NABP2: variants seen among roughly 807,000 people sequenced by gnomAD.
NABP2 encodes the protein nucleic acid binding protein 2, also known as SOSS complex subunit B1.
A neutral mutation model predicts 22.7 loss-of-function variants in NABP2; 7 were observed. The ratio of observed to expected loss-of-function variants is 0.31; its 90% CI spans 0.18 to 0.58. The LOEUF is 0.58. NABP2 is among the 20% of genes least tolerant of loss of function. The probability of loss-of-function intolerance (pLI) is 0.89; values close to 1 mark genes in which losing one functional copy is unlikely to be tolerated. For missense variants in NABP2, 188 were observed against 265.9 expected, an observed-to-expected ratio of 0.71 and a Z score of 2.04; for synonymous variants, 107 against 99.2, an observed-to-expected ratio of 1.08 and a Z score of -0.47.
intron 6 of NABP2, among the ~76,000 whole-genome samples, chr12:56,227,086 C>T (rs541130734): frequency 6.7e-6 from 1 of 149,484 alleles, no homozygotes; most frequent in South Asian, 2.2e-4. Flanking sequence ...GGTTTAAGAA[C>T]TAGACTGGCT....
chr12:56,224,896 C>A lies in NABP2; in HGVS notation c.40C>A (p.Leu14Ile). The change falls in exon 2 of 7, where the codon CTC becomes ATC. Residue 14 changes from leucine (L) to isoleucine (I), a missense_variant. Coordinates refer to ENST00000267023, the MANE Select transcript of NABP2 (RefSeq NM_024068.4). ...ETFVKDIKPG[L>I]KNLNLIFIVL... is the part of the protein sequence containing the mutation. Reference sequence around the variant, plus strand: ...CTTTGTGAAGGATATCAAGCCTGGGCTCAAGAATCTGAACCTTATCTTCAT... The same window carrying A: ...CTTTGTGAAGGATATCAAGCCTGGGATCAAGAATCTGAACCTTATCTTCAT... The A allele has an allele frequency of 6.2e-7, 1 of 1,613,358 alleles. No individual in the cohort carries two copies. Among genetic ancestry groups the A allele is most frequent in the Non-Finnish European group, 8.5e-7 (1 of 1,179,790 alleles).
intron 6 of NABP2, among the ~76,000 whole-genome samples, chr12:56,227,512 AAC>A (rs1322011860): frequency 6.6e-6 from 1 of 152,230 alleles, no homozygotes; most frequent in African/African-American, 2.4e-5. Flanking sequence ...CGTGGAATAA[AAC>A]ACACTACCTG....
In NABP2 at chr12:56,229,703, C is replaced by T; in HGVS notation, c.*490C>T. ...GAGCCGAAATTGCACCATTGCACTC[C>T]AGCCTGGGCAATAAGAGCGAAACTC... On this transcript the variant is annotated 3_prime_UTR_variant, in exon 7 of 7. Transcript: ENST00000267023. The T allele has an allele frequency of 6.4e-6, 1 of 155,546 alleles. No homozygotes were observed. Among genetic ancestry groups the T allele is most frequent in the Non-Finnish European group, 1.4e-5 (1 of 70,664 alleles). 9.6% of individuals were successfully genotyped at this position (155,546 alleles called of 1,614,324 possible). A position where few individuals can be genotyped will look rare whatever the true frequency, so the allele number is the denominator to read the frequency against.
chr12:56,224,134 G>T (rs565347916), upstream of NABP2, among the ~76,000 whole-genome samples: 1 of 152,218 alleles, frequency 6.6e-6, no homozygotes, highest in Non-Finnish European at 1.5e-5. Flanking sequence ...AAAACTGGGG[G>T]CCCTGTGCGC....
In NABP2 at chr12:56,224,871, C is replaced by G. The variant is rs138124324; in HGVS notation, c.15C>G (p.Thr5=). The change falls in exon 2 of 7, where the codon ACC becomes ACG. Residue 5 remains threonine, a synonymous_variant. Transcript: ENST00000267023. ...GCTCAGGCAGCATGACGACGGAGACCTTTGTGAAGGATATCAAGCCTGGGC... is the reference window on the plus strand; with the variant it reads ...GCTCAGGCAGCATGACGACGGAGACGTTTGTGAAGGATATCAAGCCTGGGC... The part of the protein sequence containing the change: MTTE[T]FVKDIKPGLK... 6.5e-4 allele frequency: 1,056 copies of G among 1,613,170 alleles called. 1 individual carries two copies. Among genetic ancestry groups the G allele is most frequent in the Non-Finnish European group, 8.4e-4 (990 of 1,179,846 alleles).
rs1273290439 is a variant in NABP2 at position 56,229,171 on chromosome 12, T to C, written c.594T>C (p.Pro198=). The change falls in exon 7 of 7, where the codon CCT becomes CCC. Residue 198 remains proline, a synonymous_variant. Coordinates refer to ENST00000267023, the MANE Select transcript of NABP2 (RefSeq NM_024068.4). ...PAGPPGPSSN[P]VSNGKETRRS... is the part of the protein sequence containing the mutation. ...GCCCGCCTGGCCCTTCCAGCAACCC[T>C]GTTAGTAACGGCAAAGAAACCCGGA... 1.4e-5 allele frequency: 20 copies of C among 1,418,426 alleles called. No individual in the cohort carries two copies. The highest frequency in any genetic ancestry group is 1.7e-5 in the Non-Finnish European group (18 of 1,066,740). 87.9% of individuals were successfully genotyped at this position (1,418,426 alleles called of 1,614,324 possible).
chr12:56,224,957 G>A, intron 2 of NABP2, 22 bp downstream of exon 2: 1 of 1,535,524 alleles, frequency 6.5e-7, no homozygotes, highest in Non-Finnish European at 9.0e-7. Context: ...GGGGTGGCGG[G>A]TTCGCGGGAT....
intron 6 of NABP2, among the ~76,000 whole-genome samples, chr12:56,227,133 G>A (rs1869811191): frequency 6.6e-6 from 1 of 151,732 alleles, no homozygotes; most frequent in Non-Finnish European, 1.5e-5. Context: ...TCAGCACTTT[G>A]GGAGGCCAAG....
intron 3 of NABP2, 32 bp from the exon 4 acceptor site, chr12:56,225,592 G>A (rs1468889479): frequency 1.9e-6 from 3 of 1,614,006 alleles, no homozygotes; most frequent in Non-Finnish European, 2.5e-6. Flanking sequence ...ACACTTCTGA[G>A]TACTGAATTT....
chr12:56,229,087 T>TTGCCCCACCCC lies in NABP2; in HGVS notation c.510_511insTGCCCCACCCC (p.Pro171CysfsTer66). 2 of 1,512,338 alleles carry TTGCCCCACCCC rather than the reference T, an allele frequency of 1.3e-6. No individual in the cohort carries two copies. The highest frequency in any genetic ancestry group is 1.8e-6 in the Non-Finnish European group (2 of 1,102,006). The allele number at this position is 1,512,338 out of a possible 1,614,324, so 93.7% of individuals were successfully genotyped here. A position where few individuals can be genotyped will look rare whatever the true frequency, so the allele number is the denominator to read the frequency against. Reference sequence around the variant, plus strand: ...GTGGTGGCCCACATCCCCCTCATACTCCCTCCCACCCACCCAGCACCCGAA... The same window carrying TTGCCCCACCCC: ...GTGGTGGCCCACATCCCCCTCATACTTGCCCCACCCCCCCTCCCACCCACCCAGCACCCGAA... On this transcript the variant is annotated frameshift_variant, in exon 7 of 7. Coordinates refer to ENST00000267023, the MANE Select transcript of NABP2 (RefSeq NM_024068.4). LOFTEE classifies it high-confidence loss of function.
At chr12:56,224,644 T>C in intron 1 of NABP2, 190 bp from the exon 2 acceptor site, 1 of 1,029,600 alleles carries the variant, frequency 9.7e-7, no homozygotes, top group Non-Finnish European at 1.3e-6. Context: ...CAAAGCAGCC[T>C]GTCCAGAGAC....
intron 4 of NABP2, 82 bp from the exon 5 acceptor site, chr12:56,226,097 G>A (rs570515568): frequency 1.6e-6 from 2 of 1,284,132 alleles, no homozygotes; most frequent in Admixed American, 1.8e-5. Flanking sequence ...TGACCACACC[G>A]AACCTATCTG....
intron 2 of NABP2, 94 bp from the exon 3 acceptor site, chr12:56,225,279 C>T: frequency 6.5e-7 from 1 of 1,535,872 alleles, no homozygotes; most frequent in Non-Finnish European, 9.0e-7. Context: ...ACACCTTTTC[C>T]CTCATTCCAC....
At chr12:56,225,020 G>T in intron 2 of NABP2, 85 bp downstream of exon 2, 1 of 1,068,366 alleles carries the variant, frequency 9.4e-7, no homozygotes, top group South Asian at 1.3e-5. Context: ...AACTTGCTAT[G>T]GGGATGGCAA....
chr12:56,228,405 GAGA>G (rs2135836544), intron 6 of NABP2, among the ~76,000 whole-genome samples: 1 of 138,736 alleles, frequency 7.2e-6, no homozygotes, highest in East Asian at 2.3e-4. Flanking sequence ...TTTTTTAATT[GAGA>G]AGGAGTCTCA....
upstream of NABP2, chr12:56,222,023 G>A (rs575198917): frequency 6.6e-6 from 1 of 152,444 alleles, no homozygotes; most frequent in Non-Finnish European, 1.5e-5. Context: ...GCAGCCAGGA[G>A]CTGCCTACGA....
upstream of NABP2, chr12:56,224,341 C>G: frequency 1.0e-6 from 1 of 987,586 alleles, no homozygotes; most frequent in Non-Finnish European, 1.2e-6. Flanking sequence ...CGGGAATGTC[C>G]GCACTCCCGC....
At position 56,226,805 on chromosome 12, in the gene NABP2, C is replaced by T. The variant is rs1183468196; in HGVS notation, c.436+386C>T. On this transcript the variant is annotated intron_variant, in intron 6 of 6. Transcript: ENST00000267023. ...ATGGTGTGACCTCGGCTCACTTCAA[C>T]CTCTGCCTCCTGGGTTCAAGTGATT... Among the ~76,000 whole-genome samples, 4 of 147,114 alleles carry T rather than the reference C, an allele frequency of 2.7e-5. No individual in the cohort carries two copies. The East Asian group carries it at 6.2e-4, about 23-fold the overall frequency.
chr12:56,228,652 C>G (rs1241613644), intron 6 of NABP2, among the ~76,000 whole-genome samples: 1 of 152,152 alleles, frequency 6.6e-6, no homozygotes, highest in Non-Finnish European at 1.5e-5. Context: ...TCCCACCGTA[C>G]TGAGATTACA....
Sources: gnomAD v4.1 joint callset for allele counts (sites outside exome capture counted in the v4.1 genomes callset) on GRCh38, gnomAD v4.1.1 for gene constraint, MANE v1.5 for transcripts, NCBI Gene and HGNC (gene_info 2026-07-23, HGNC 2026-07-21) for gene names.